CCT6B: variants seen among roughly 807,000 people sequenced by gnomAD.
CCT6B encodes probable T-complex protein 1 subunit zeta-2.
Under a neutral mutation model 61.5 loss-of-function variants are expected in CCT6B, and 49 were observed. The ratio of observed to expected loss-of-function variants is 0.80; its 90% confidence interval spans 0.63 to 1.01. The LOEUF is 1.01. CCT6B is among the 50% of genes least tolerant of loss of function. The pLI is 0.00. For synonymous variants in CCT6B, 228 were observed against 214.5 expected, an observed-to-expected ratio of 1.06 and a Z score of -0.55; for missense variants, 666 against 634.7, an observed-to-expected ratio of 1.05 and a Z score of -0.53.
intron 11 of CCT6B, among the ~76,000 whole-genome samples, chr17:34,931,619 A>T (rs912812723): frequency 6.6e-6 from 1 of 152,202 alleles, no homozygotes; most frequent in Non-Finnish European, 1.5e-5. Context: ...TACTGGGGTT[A>T]CCAATTTCTG....
chr17:34,951,626 G>C (rs1269437385), intron 5 of CCT6B, among the ~76,000 whole-genome samples: 1 of 152,126 alleles, frequency 6.6e-6, no homozygotes, highest in Non-Finnish European at 1.5e-5. Flanking sequence ...CTTCTGCTTA[G>C]AACCCTCTTA....
intron 3 of CCT6B, 69 bp downstream of exon 3, chr17:34,958,491 C>A: frequency 3.2e-6 from 3 of 940,142 alleles, no homozygotes; most frequent in South Asian, 2.9e-5. Context: ...GTCTAAAACT[C>A]AACCATTTTA....
intron 7 of CCT6B, among the ~76,000 whole-genome samples, chr17:34,942,091 CATAATA>C (rs915562027): frequency 6.7e-6 from 1 of 149,550 alleles, no homozygotes; most frequent in South Asian, 2.1e-4. Flanking sequence ...TTTTGTCACA[CATAATA>C]ATAAAAGGAT....
At chr17:34,954,400 C>A (rs746995885) in intron 4 of CCT6B, 26 bp downstream of exon 4, 3 of 1,564,240 alleles carry the variant, frequency 1.9e-6, no homozygotes, top group South Asian at 1.2e-5. Context: ...TATATTTGTT[C>A]TGAATGCAAA....
At chr17:34,960,150 T>C (rs2090395940) in intron 1 of CCT6B, among the ~76,000 whole-genome samples, 1 of 152,218 alleles carries the variant, frequency 6.6e-6, no homozygotes, top group African/African-American at 2.4e-5. Flanking sequence ...AACTTAAATA[T>C]ACCCTCCACA....
intron 3 of CCT6B, among the ~76,000 whole-genome samples, chr17:34,956,948 C>T (rs2090353897): frequency 1.3e-5 from 2 of 151,116 alleles, no homozygotes; most frequent in African/African-American, 4.9e-5. Flanking sequence ...TAGCCAGGAC[C>T]ACATGCAGCA....
Position 34,959,600 on chromosome 17 carries a change from A to G in CCT6B, c.188T>C (p.Leu63Pro). 6.2e-7 allele frequency: 1 copy of G among 1,612,714 alleles called. No homozygotes were observed. Among genetic ancestry groups the G allele is most frequent in the Non-Finnish European group, 8.5e-7 (1 of 1,178,734 alleles). Residue 63 changes from leucine (L) to proline (P), a missense_variant, in exon 2 of 14, where the codon CTG becomes CCG. Leu to Pro is a moderately conservative substitution (Grantham distance 98, BLOSUM62 -3). Transcript: ENST00000314144. ...DIKLTKDGNV[L>P]LDEMQIQHPT... ...GCATCAGCTCACCATCTCATCGAGC[A>G]GCACATTGCCATCTTTGGTGAGTTT...
chr17:34,939,621 G>A lies in CCT6B; in HGVS notation c.1061C>T (p.Thr354Ile), dbSNP rs2090137039. 6.3e-7 allele frequency: 1 copy of A among 1,584,830 alleles called. No individual in the cohort carries two copies. Among genetic ancestry groups the A allele is most frequent in the African/African-American group, 1.3e-5 (1 of 74,474 alleles). ...ACTGTTCATAGAAATACTCACTAAT[G>A]TATACTCATACACAAGACCAGCATG... ...LGHAGLVYEY[T>I]LGEEKFTFIE... is the part of the protein sequence containing the mutation. The change falls in exon 9 of 14, where the codon ACA becomes ATA. Residue 354 changes from threonine to isoleucine, a missense_variant. Physicochemically the swap from Thr to Ile is moderately conservative, Grantham distance 89. Transcript: ENST00000314144.
intron 5 of CCT6B, among the ~76,000 whole-genome samples, chr17:34,945,237 C>G (rs571755470): frequency 6.6e-6 from 1 of 152,300 alleles, no homozygotes; most frequent in African/African-American, 2.4e-5. Flanking sequence ...GGCTTTAAGT[C>G]ATTTATACAC....
chr17:34,940,873 T>C (rs919464285), intron 7 of CCT6B, among the ~76,000 whole-genome samples: 1 of 152,118 alleles, frequency 6.6e-6, no homozygotes, highest in African/African-American at 2.4e-5. Flanking sequence ...TACTACACTT[T>C]TGAAAACAAA....
At chr17:34,939,055 G>T in intron 10 of CCT6B, 128 bp downstream of exon 10, 1 of 749,990 alleles carries the variant, frequency 1.3e-6, no homozygotes, top group Non-Finnish European at 2.0e-6. Flanking sequence ...CTGCACTAAA[G>T]CCTGGGCAAC....
intron 3 of CCT6B, among the ~76,000 whole-genome samples, chr17:34,957,838 C>T (rs1035116039): frequency 2.0e-5 from 3 of 151,966 alleles, no homozygotes; most frequent in East Asian, 1.9e-4. Flanking sequence ...GGCCAGTGAA[C>T]GGAGGAGTCT....
intron 5 of CCT6B, among the ~76,000 whole-genome samples, chr17:34,944,658 G>A (rs961272319): frequency 1.3e-5 from 2 of 152,172 alleles, no homozygotes; most frequent in Non-Finnish European, 2.9e-5. Flanking sequence ...CAGGCGCGGC[G>A]GCTCACGCCT....
rs1282476299 is a variant in CCT6B, at chr17:34,951,985, TA to T, written c.578del (p.Ile193LysfsTer4). 2.5e-6 allele frequency: 4 copies of T among 1,604,680 alleles called. No individual in the cohort carries two copies. Among genetic ancestry groups the T allele is most frequent in the African/African-American group, 1.3e-5 (1 of 74,738 alleles). On this transcript the variant is annotated frameshift_variant, in exon 5 of 14. Transcript: ENST00000314144. LOFTEE classifies it high-confidence loss of function. ...TTCCTAATTTATGCTTCATCTCCAT[TA>T]TTTCTACCATGAAGAGATCAATAGG... ...GYPIDLFMVE[I>X]MEMKHKLGTD...
At chr17:34,945,906 T>G (rs950209380) in intron 5 of CCT6B, among the ~76,000 whole-genome samples, 1 of 152,206 alleles carries the variant, frequency 6.6e-6, no homozygotes, top group African/African-American at 2.4e-5. Context: ...GATCAGTAGG[T>G]TCTTTTATCT....
chr17:34,938,593 C>T (rs989350415), intron 10 of CCT6B, among the ~76,000 whole-genome samples: 1 of 151,860 alleles, frequency 6.6e-6, no homozygotes, highest in African/African-American at 2.4e-5. Flanking sequence ...CAGCCAGGCG[C>T]AGTGGCTCAT....
rs550453411 is a variant in CCT6B, at chr17:34,931,704, C to A, written c.1348-653G>T. ...GCAAATCTAATTCACAAAGATTTCA[C>A]AAATTATGAAAAATTTTAATAAAAA... On this transcript the variant is annotated intron_variant, in intron 11 of 13. Transcript: ENST00000314144. 5.1e-4 allele frequency among the ~76,000 whole-genome samples: 77 copies of A among 152,258 alleles called. 2 individuals carry two copies. The South Asian group carries it at 0.016, about 31-fold the overall frequency.
At chr17:34,935,924 CGTGTGTGT>C (rs113723835) in intron 10 of CCT6B, among the ~76,000 whole-genome samples, 3 of 147,806 alleles carry the variant, frequency 2.0e-5, no homozygotes, top group Non-Finnish European at 3.0e-5. Context: ...CATTTATTCT[CGTGTGTGT>C]GTGTGTGTGT....
At chr17:34,937,280 TA>T (rs898879882) in intron 10 of CCT6B, among the ~76,000 whole-genome samples, 76 of 148,312 alleles carry the variant, frequency 5.1e-4, no homozygotes, top group East Asian at 3.6e-3. Flanking sequence ...CAAAATAACT[TA>T]AAAAAAAAAT....
Sources: allele counts gnomAD v4.1 joint callset (sites outside exome capture counted in the v4.1 genomes callset), GRCh38; gene constraint gnomAD v4.1.1; transcripts MANE v1.5; gene names NCBI Gene and HGNC (gene_info 2026-07-23, HGNC 2026-07-21).